KANK1: variants seen among roughly 807,000 people sequenced by gnomAD.
The protein encoded by KANK1 is KN motif and ankyrin repeat domains 1.
A neutral mutation model predicts 106.2 loss-of-function variants in KANK1; 109 were observed. That is an observed-to-expected ratio of 1.03 (90% CI 0.88 to 1.20). The LOEUF (loss-of-function observed/expected upper bound fraction) is 1.20. Ranked by LOEUF, KANK1 falls within the 50% of genes most tolerant of loss-of-function variation. KANK1 has a pLI of 0.00. For synonymous variants in KANK1, 873 were observed against 652.2 expected (o/e 1.34, Z -5.16); for missense variants, 2,399 against 1,710.7 (o/e 1.40, Z -7.10).
intron 3 of KANK1, among the ~76,000 whole-genome samples, chr9:725,599 A>G (rs1183531292): frequency 6.6e-6 from 1 of 152,104 alleles, no homozygotes; most frequent in Non-Finnish European, 1.5e-5. Flanking sequence ...AAACCAGTCA[A>G]AGTAGACCAC....
intron 1 of KANK1, among the ~76,000 whole-genome samples, chr9:505,767 G>A (rs1009574401): frequency 1.3e-5 from 2 of 152,234 alleles, no homozygotes; most frequent in African/African-American, 4.8e-5. Flanking sequence ...ATTAGACCCT[G>A]ATACCCGAGG....
At chr9:502,918 T>G (rs1050798070), upstream of KANK1, among the ~76,000 whole-genome samples, 2 of 151,292 alleles carry the variant, frequency 1.3e-5, no homozygotes, top group African/African-American at 4.8e-5. Flanking sequence ...CACTGCCGCC[T>G]CGACCTCCAG....
At chr9:527,927 T>A (rs2059870835) in intron 1 of KANK1, among the ~76,000 whole-genome samples, 1 of 151,712 alleles carries the variant, frequency 6.6e-6, no homozygotes, top group Non-Finnish European at 1.5e-5. Context: ...GTCAGGAGAT[T>A]GAGACCATCC....
rs1020892432 is a variant in KANK1, at chr9:745,898, G to C, written c.*663G>C. On this transcript the variant is annotated 3_prime_UTR_variant, in exon 12 of 12. Transcript: ENST00000382297. ...AGAACTACACGTAACATCATCATTT[G>C]TATTAATTGCACAACTCCAATGCTA... The C allele has an allele frequency of 3.3e-5, 5 of 152,602 alleles. No individual in the cohort carries two copies. The highest frequency in any genetic ancestry group is 7.3e-5 in the Non-Finnish European group (5 of 68,036). 9.5% of individuals were successfully genotyped at this position (152,602 alleles called of 1,614,324 possible).
Position 713,323 on chromosome 9 carries a change from G to T in KANK1, c.2557G>T (p.Gly853Trp). 6.2e-7 allele frequency: 1 copy of T among 1,614,130 alleles called. No individual in the cohort carries two copies. Among genetic ancestry groups the T allele is most frequent in the South Asian group, 1.1e-5 (1 of 91,068 alleles). The change falls in exon 3 of 12, where the codon GGG becomes TGG. Residue 853 changes from glycine (G) to tryptophan (W), a missense_variant. By Grantham distance (184) the Gly-to-Trp change is radical (BLOSUM62 -2). Coordinates refer to ENST00000382297, the MANE Select transcript of KANK1 (RefSeq NM_015158.5). ...CTACAGTGAACTGGCAGAAGCTTTC[G>T]GGGAACCTCACTCACAGATGGGCTC... ...ENYSELAEAF[G>W]EPHSQMGSLN...
Position 712,158 on chromosome 9 carries a change from CTTGAAGGAAAAGATCT to C in KANK1, c.1393_1408del (p.Leu465IlefsTer3), listed in dbSNP as rs771710809. ...AGCTGCAACAGCAGACCATAGAATC[CTTGAAGGAAAAGATCT>C]ATCGCCTAGAAGTACAGCTTAGAGA... On this transcript the variant is annotated frameshift_variant, in exon 3 of 12. Coordinates refer to ENST00000382297, the MANE Select transcript of KANK1 (RefSeq NM_015158.5). LOFTEE classifies it high-confidence loss of function. 1.2e-6 allele frequency: 2 copies of C among 1,614,086 alleles called. No homozygotes were observed. Among genetic ancestry groups the C allele is most frequent in the African/African-American group, 2.7e-5 (2 of 75,032 alleles).
In KANK1 at chr9:711,648, G is replaced by T; in HGVS notation, c.882G>T (p.Leu294Phe). The change falls in exon 3 of 12, where the codon TTG (leucine) becomes TTT (phenylalanine). Residue 294 changes from leucine to phenylalanine, a missense_variant. Physicochemically the swap from Leu to Phe is conservative, Grantham distance 22. Coordinates refer to ENST00000382297, the MANE Select transcript of KANK1 (RefSeq NM_015158.5). ...IPVLQVKISVLQEEKRQLVSQ... is the reference protein window; with the variant it reads ...IPVLQVKISVFQEEKRQLVSQ... ...TGCTCCAGGTAAAGATCTCTGTCTT[G>T]CAAGAAGAGAAAAGGCAGTTGGTCT... 6.2e-7 allele frequency: 1 copy of T among 1,614,176 alleles called. No individual in the cohort carries two copies. Among genetic ancestry groups the T allele is most frequent in the Non-Finnish European group, 8.5e-7 (1 of 1,180,038 alleles).
chr9:701,064 T>G (rs917726581), intron 2 of KANK1, among the ~76,000 whole-genome samples: 119 of 152,230 alleles, frequency 7.8e-4, no homozygotes, highest in Non-Finnish European at 2.8e-4. Context: ...TTTTATCACT[T>G]GAGCACTTGA....
intron 1 of KANK1, among the ~76,000 whole-genome samples, chr9:573,992 G>T (rs1819883667): frequency 6.6e-6 from 1 of 152,222 alleles, no homozygotes. Context: ...GAGATTAATG[G>T]GCTGTGCCCA....
chr9:659,712 G>A (rs897437767), intron 1 of KANK1, among the ~76,000 whole-genome samples: 2 of 151,856 alleles, frequency 1.3e-5, no homozygotes, highest in Non-Finnish European at 2.9e-5. Context: ...GAGGGAAGAA[G>A]GTAATGCTAT....
intron 3 of KANK1, among the ~76,000 whole-genome samples, chr9:724,619 T>A (rs1170243262): frequency 1.3e-5 from 2 of 152,016 alleles, no homozygotes; most frequent in African/African-American, 4.8e-5. Flanking sequence ...CTAGCCAACA[T>A]AGTAAAATCC....
chr9:715,974 C>T (rs1410883697), intron 3 of KANK1, among the ~76,000 whole-genome samples: 1 of 152,224 alleles, frequency 6.6e-6, no homozygotes, highest in South Asian at 2.1e-4. Context: ...CCTGTGCACA[C>T]CATACCATAG....
chr9:512,353 C>T (rs2059071407), intron 1 of KANK1, among the ~76,000 whole-genome samples: 1 of 151,826 alleles, frequency 6.6e-6, no homozygotes, highest in South Asian at 2.1e-4. Flanking sequence ...CAGATGGAGA[C>T]AAGGAGAGTC....
rs1427293406 is a variant in KANK1, at chr9:745,765, C to A, written c.*530C>A. Reference sequence around the variant, plus strand: ...TATAAAACTTACAAAAGAATATTCTCATTTGGTCTTAACTAGGTAGATGTA... The same window carrying A: ...TATAAAACTTACAAAAGAATATTCTAATTTGGTCTTAACTAGGTAGATGTA... On this transcript the variant is annotated 3_prime_UTR_variant, in exon 12 of 12. Transcript: ENST00000382297. 1.3e-5 allele frequency: 2 copies of A among 152,678 alleles called. No homozygotes were observed. Among genetic ancestry groups the A allele is most frequent in the Non-Finnish European group, 2.9e-5 (2 of 68,118 alleles). The allele number at this position is 152,678 out of a possible 1,614,324, so 9.5% of individuals were successfully genotyped here.
At chr9:616,383 C>T (rs1010560553) in intron 1 of KANK1, among the ~76,000 whole-genome samples, 4 of 152,166 alleles carry the variant, frequency 2.6e-5, no homozygotes, top group Admixed American at 2.0e-4. Flanking sequence ...ACATCCTGAA[C>T]ACCACTTAAA....
chr9:642,615 C>G (rs1588506483), intron 1 of KANK1, among the ~76,000 whole-genome samples: 1 of 150,892 alleles, frequency 6.6e-6, no homozygotes, highest in South Asian at 2.1e-4. Context: ...GAATTACCAG[C>G]TGATAAAATT....
intron 1 of KANK1, among the ~76,000 whole-genome samples, chr9:575,421 A>T (rs1820282521): frequency 6.6e-6 from 1 of 151,320 alleles, no homozygotes. Context: ...TAATTCCAGC[A>T]CTTTGGGAGA....
At chr9:722,400 A>G (rs1291053428) in intron 3 of KANK1, among the ~76,000 whole-genome samples, 1 of 151,824 alleles carries the variant, frequency 6.6e-6, no homozygotes, top group Non-Finnish European at 1.5e-5. Flanking sequence ...CATTGTATCT[A>G]CATTTTTTAA....
intron 9 of KANK1, 52 bp from the exon 10 acceptor site, chr9:742,153 C>G: frequency 6.6e-7 from 1 of 1,517,688 alleles, no homozygotes; most frequent in Non-Finnish European, 9.1e-7. Context: ...CTAGAGGCCA[C>G]CACTGCCAGC....
Sources: gnomAD v4.1 joint callset for allele counts (sites outside exome capture counted in the v4.1 genomes callset) on GRCh38, gnomAD v4.1.1 for gene constraint, MANE v1.5 for transcripts, NCBI Gene and HGNC (gene_info 2026-07-23, HGNC 2026-07-21) for gene names.